Variants in OR7C1 observed in about 807,000 individuals in gnomAD.
The protein encoded by OR7C1 is olfactory receptor family 7 subfamily C member 1, also known as olfactory receptor 7C1.
For missense variants in OR7C1, 324 were observed against 383.3 expected, an observed-to-expected ratio of 0.85 and a Z score of 1.29; for synonymous variants, 152 against 160.7, an observed-to-expected ratio of 0.95 and a Z score of 0.41.
chr19:14,804,659 C>G (rs546124588), intron 2 of OR7C1, among the ~76,000 whole-genome samples: 1 of 151,752 alleles, frequency 6.6e-6, no homozygotes, highest in African/African-American at 2.4e-5. Context: ...AATACATAAA[C>G]GAGTCGCAGG....
At position 14,809,230 on chromosome 19, in the gene OR7C1, C is replaced by T. The variant is rs143156549; in HGVS notation, c.-435+576G>A. Among the ~76,000 whole-genome samples the T allele has an allele frequency of 1.4e-4, 22 of 152,046 alleles. 2 individuals carry two copies. The highest frequency in any genetic ancestry group is 5.3e-4 in the African/African-American group (22 of 41,330). On this transcript the variant is annotated intron_variant, in intron 2 of 4. Coordinates refer to ENST00000641666, the Ensembl canonical transcript of OR7C1. ...GGGGTCAGGTTCTAGAGGGAAAACG[C>T]TGAAGTAAAACTCACACCTGCCCAA...
Position 14,806,588 on chromosome 19 carries a change from T to C in OR7C1, c.-435+3218A>G, listed in dbSNP as rs916729080. Among the ~76,000 whole-genome samples the C allele has an allele frequency of 5.3e-5, 8 of 151,920 alleles. 1 individual carries two copies. Among genetic ancestry groups the C allele is most frequent in the African/African-American group, 1.5e-4 (6 of 41,228 alleles). On this transcript the variant is annotated intron_variant, in intron 2 of 4. Transcript: ENST00000641666. ...TGTGTTGTTCCCCTCCCTGTGTCCA[T>C]GCATTCTCATTGTTCAGATCCCACT...
At chr19:14,830,947 C>G (rs947545196) in intron 1 of OR7C1, among the ~76,000 whole-genome samples, 5 of 152,190 alleles carry the variant, frequency 3.3e-5, no homozygotes, top group Non-Finnish European at 7.3e-5. Context: ...CAGTACCGCA[C>G]AAAGCCCTCT....
At chr19:14,815,807 G>C (rs1232163179) in intron 1 of OR7C1, among the ~76,000 whole-genome samples, 2 of 151,750 alleles carry the variant, frequency 1.3e-5, no homozygotes, top group Non-Finnish European at 2.9e-5. Flanking sequence ...GTGTGTGTGT[G>C]TGTGTGTGTC....
chr19:14,826,518 G>A (rs1203214535), intron 1 of OR7C1: 1 of 152,008 alleles, frequency 6.6e-6, no homozygotes, highest in Non-Finnish European at 1.5e-5. Flanking sequence ...ACTTATATAT[G>A]GGCACTAAGC....
At chr19:14,821,808 C>T (rs1011614478) in intron 1 of OR7C1, among the ~76,000 whole-genome samples, 2 of 152,254 alleles carry the variant, frequency 1.3e-5, no homozygotes, top group Admixed American at 6.5e-5. Flanking sequence ...GTGTCCTCCA[C>T]ACCTGTGTTA....
At chr19:14,811,309 C>T (rs1045362473) in intron 1 of OR7C1, among the ~76,000 whole-genome samples, 4 of 151,890 alleles carry the variant, frequency 2.6e-5, no homozygotes, top group Non-Finnish European at 4.4e-5. Flanking sequence ...TTCTGTTCCT[C>T]GGCTTTTCCA....
At chr19:14,799,963 G>A (rs1441125919) in exon 5 of OR7C1, 36 of 1,614,120 alleles carry the variant, frequency 2.2e-5, no homozygotes, top group Non-Finnish European at 3.0e-5. Flanking sequence ...AGAAGTACAT[G>A]GGGGTGTGGA....
chr19:14,817,722 T>G (rs2060356974), intron 1 of OR7C1, among the ~76,000 whole-genome samples: 1 of 152,202 alleles, frequency 6.6e-6, no homozygotes, highest in South Asian at 2.1e-4. Flanking sequence ...CTATTTAGTA[T>G]GCTAAAAAGA....
exon 5 of OR7C1, chr19:14,798,946 G>GA (rs2044624430): frequency 2.3e-6 from 1 of 429,808 alleles, no homozygotes; most frequent in African/African-American, 2.0e-5. Context: ...GATTTTTCAG[G>GA]CTGTTCTTTG....
At chr19:14,801,086 A>G (rs1251013184) in intron 2 of OR7C1, among the ~76,000 whole-genome samples, 2 of 152,142 alleles carry the variant, frequency 1.3e-5, no homozygotes, top group African/African-American at 2.4e-5. Flanking sequence ...ACTCCAGACA[A>G]TGTAGCAGCT....
intron 1 of OR7C1, among the ~76,000 whole-genome samples, chr19:14,828,781 A>C (rs1293896267): frequency 1.3e-5 from 2 of 149,286 alleles, no homozygotes; most frequent in African/African-American, 5.0e-5. Context: ...AAAAAAAAAA[A>C]AAAAAAGAAT....
intron 2 of OR7C1, among the ~76,000 whole-genome samples, chr19:14,803,857 G>A (rs937069119): frequency 1.3e-5 from 2 of 151,776 alleles, no homozygotes; most frequent in Non-Finnish European, 2.9e-5. Flanking sequence ...CTACAGGCGC[G>A]TGCCACAAAG....
chr19:14,830,938 A>C (rs546977143), intron 1 of OR7C1, among the ~76,000 whole-genome samples: 36 of 152,320 alleles, frequency 2.4e-4, no homozygotes, highest in Middle Eastern at 3.4e-3. Context: ...TGGCATTATC[A>C]GTACCGCACA....
At chr19:14,810,221 A>G (rs1482981995) in intron 1 of OR7C1, among the ~76,000 whole-genome samples, 1 of 151,770 alleles carries the variant, frequency 6.6e-6, no homozygotes, top group East Asian at 1.9e-4. Context: ...CTTAGAATGA[A>G]CATCCTTCCC....
intron 1 of OR7C1, among the ~76,000 whole-genome samples, chr19:14,810,749 G>C (rs1332236645): frequency 6.6e-6 from 1 of 151,806 alleles, no homozygotes; most frequent in African/African-American, 2.4e-5. Flanking sequence ...ACAGATTCTG[G>C]AGAAAAATTA....
chr19:14,818,620 A>C (rs917935764), intron 1 of OR7C1, among the ~76,000 whole-genome samples: 32 of 152,072 alleles, frequency 2.1e-4, no homozygotes, highest in African/African-American at 7.5e-4. Flanking sequence ...CAGTGTTTTC[A>C]TTCCTGTATT....
chr19:14,820,058 C>T (rs1403231866), intron 1 of OR7C1, among the ~76,000 whole-genome samples: 2 of 152,054 alleles, frequency 1.3e-5, no homozygotes, highest in Non-Finnish European at 2.9e-5. Context: ...AGGCATGCGC[C>T]GCCACTCTGC....
intron 2 of OR7C1, among the ~76,000 whole-genome samples, chr19:14,808,992 T>C (rs1160360092): frequency 2.0e-5 from 3 of 152,054 alleles, no homozygotes; most frequent in African/African-American, 4.8e-5. Flanking sequence ...ATTTAAGATA[T>C]TTTTCTTTGT....
Sources: gnomAD v4.1 joint callset for allele counts (sites outside exome capture counted in the v4.1 genomes callset) on GRCh38, gnomAD v4.1.1 for gene constraint, MANE v1.5 for transcripts, NCBI Gene and HGNC (gene_info 2026-07-23, HGNC 2026-07-21) for gene names.